The following PHACTR2 variants were observed in gnomAD, a reference collection of about 807,000 sequenced individuals.
The protein encoded by PHACTR2 is chromosome 6 open reading frame 56.
Under a neutral mutation model 76.0 loss-of-function variants are expected in PHACTR2, and 30 were observed. The ratio of observed to expected loss-of-function variants is 0.39; its 90% CI spans 0.30 to 0.54. The LOEUF is 0.54. Ranked by LOEUF, PHACTR2 falls within the 20% of genes least tolerant of loss-of-function variation. PHACTR2 has a pLI of 0.61. For missense variants in PHACTR2, 696 were observed against 781.1 expected, an observed-to-expected ratio of 0.89 and a Z score of 1.30; for synonymous variants, 292 against 292.5, an observed-to-expected ratio of 1.00 and a Z score of 0.02.
chr6:143,745,281 A>G (rs1779032397), intron 2 of PHACTR2, among the ~76,000 whole-genome samples: 1 of 152,186 alleles, frequency 6.6e-6, no homozygotes, highest in Non-Finnish European at 1.5e-5. Flanking sequence ...TCTGCTCACA[A>G]ACAACTGACT....
upstream of PHACTR2, among the ~76,000 whole-genome samples, chr6:143,606,818 A>G (rs982779696): frequency 6.6e-6 from 1 of 152,198 alleles, no homozygotes; most frequent in African/African-American, 2.4e-5. Context: ...TTAAATTCAT[A>G]GAGTGATATA....
chr6:143,555,523 AG>A (rs887723876), intron 1 of PHACTR2, among the ~76,000 whole-genome samples: 2 of 152,210 alleles, frequency 1.3e-5, no homozygotes, highest in African/African-American at 4.8e-5. Context: ...TGGGAAAAAA[AG>A]GGGTCTTTGT....
intron 2 of PHACTR2, among the ~76,000 whole-genome samples, chr6:143,714,138 A>C (rs1414487924): frequency 2.0e-5 from 3 of 152,216 alleles, no homozygotes; most frequent in South Asian, 2.1e-4. Context: ...TATCTCAAGC[A>C]GTGGAATCAA....
chr6:143,673,742 T>A (rs1402159101), upstream of PHACTR2, among the ~76,000 whole-genome samples: 2 of 152,046 alleles, frequency 1.3e-5, no homozygotes, highest in Non-Finnish European at 2.9e-5. Context: ...GAGGTCTTTA[T>A]TTTCCAGCAT....
chr6:143,628,798 C>G (rs1776303928), intron 1 of PHACTR2, among the ~76,000 whole-genome samples: 1 of 151,578 alleles, frequency 6.6e-6, no homozygotes. Context: ...TACCCATGGT[C>G]TTTCTCACTT....
intron 2 of PHACTR2, among the ~76,000 whole-genome samples, chr6:143,736,786 G>A (rs9386047): frequency 0.14 from 20,602 of 151,448 alleles, 1,722 homozygotes; most frequent in Non-Finnish European, 0.2. Flanking sequence ...GTGTTAGCCA[G>A]GATGGTCTCG....
Position 143,610,393 on chromosome 6 carries a change from A to T in PHACTR2, c.13+2071A>T, listed in dbSNP as rs1384305542. ...TATTTGCCTAAATTTTTCTAATCAG[A>T]AATGAATTGAGGCCCTGGATTTCAG... On this transcript the variant is annotated intron_variant, in intron 1 of 11. Coordinates refer to the PHACTR2 transcript ENST00000305766. The surrounding 1 kb of genome is among the most constrained non-coding windows in gnomAD (Gnocchi z 4.9). 6.6e-6 allele frequency among the ~76,000 whole-genome samples: 1 copy of T among 152,200 alleles called. No homozygotes were observed. Among genetic ancestry groups the T allele is most frequent in the Non-Finnish European group, 1.5e-5 (1 of 68,028 alleles).
Position 143,695,701 on chromosome 6 carries a change from T to TC in PHACTR2, c.47-16313dup, listed in dbSNP as rs1234449260. On this transcript the variant is annotated intron_variant, in intron 1 of 12. Transcript: ENST00000440869. This position sits in a 1 kb window ranked among gnomAD's most constrained non-coding sequence, Gnocchi z 4.4. ...ATAACATGAGTCTCATAATCAAGAA[T>TC]CCTCTGGGACTTTGTCATCTACATT... Among the ~76,000 whole-genome samples, 1 of 152,242 alleles carries TC rather than the reference T, an allele frequency of 6.6e-6. No homozygotes were observed. The highest frequency in any genetic ancestry group is 1.5e-5 in the Non-Finnish European group (1 of 68,032).
rs902237332 is a variant in PHACTR2, at chr6:143,561,872, C to T, written c.217+24665C>T. The T allele has an allele frequency of 1.3e-5, 2 of 152,220 alleles. No homozygotes were observed. The highest frequency in any genetic ancestry group is 2.9e-5 in the Non-Finnish European group (2 of 68,064). 9.4% of individuals were successfully genotyped at this position (152,220 alleles called of 1,614,324 possible). ...TGAAGTCTGAGGAAATTCAGGTTGC[C>T]TTTGATATTAACCTCCATGAAGACT... On this transcript the variant is annotated intron_variant, in intron 1 of 11. Coordinates refer to the PHACTR2 transcript ENST00000367584. The surrounding 1 kb of genome is among the most constrained non-coding windows in gnomAD (Gnocchi z 4.1).
Position 143,731,760 on chromosome 6 carries a change from C to T in PHACTR2, c.215-17225C>T, listed in dbSNP as rs1778705457. Among the ~76,000 whole-genome samples, 2 of 152,204 alleles carry T rather than the reference C, an allele frequency of 1.3e-5. No homozygotes were observed. The highest frequency in any genetic ancestry group is 1.3e-4 in the Admixed American group (2 of 15,274). ...AATCAGTTGGCAACTGTTCCCTCCTCTTCTGTTCCTGGAAGAGACTGTGTA... is the reference window on the plus strand; with the variant it reads ...AATCAGTTGGCAACTGTTCCCTCCTTTTCTGTTCCTGGAAGAGACTGTGTA... On this transcript the variant is annotated intron_variant, in intron 2 of 12. Transcript: ENST00000440869. This position sits in a 1 kb window ranked among gnomAD's most constrained non-coding sequence, Gnocchi z 4.9.
Position 143,681,009 on chromosome 6 carries a change from T to C in PHACTR2, c.46+2800T>C, listed in dbSNP as rs145189146. On this transcript the variant is annotated intron_variant, in intron 1 of 12. Transcript: ENST00000440869. ...ACATTTTATTTATCCATTTATCAGT[T>C]GATGGACATTTGGGTTATTTCTGCT... 2.3e-3 allele frequency among the ~76,000 whole-genome samples: 350 copies of C among 152,350 alleles called. 3 individuals are homozygous for C. Among genetic ancestry groups the C allele is most frequent in the African/African-American group, 8.1e-3 (335 of 41,584 alleles).
At chr6:143,609,238 T>C (rs958178877) in intron 1 of PHACTR2, among the ~76,000 whole-genome samples, 3 of 152,208 alleles carry the variant, frequency 2.0e-5, no homozygotes, top group Non-Finnish European at 4.4e-5. Context: ...CATATTTGTT[T>C]ATGAAATTGA....
At chr6:143,732,795 A>G (rs554629509) in intron 2 of PHACTR2, among the ~76,000 whole-genome samples, 1 of 152,318 alleles carries the variant, frequency 6.6e-6, no homozygotes, top group African/African-American at 2.4e-5. Flanking sequence ...TCCAGCCAAC[A>G]TTTATTACTA....
intron 2 of PHACTR2, among the ~76,000 whole-genome samples, chr6:143,735,886 A>G (rs1778806560): frequency 1.3e-5 from 2 of 152,228 alleles, no homozygotes; most frequent in African/African-American, 4.8e-5. Context: ...TAAAAAAATT[A>G]AAGTTTAAAA....
rs1777749018 is a variant in PHACTR2, at chr6:143,695,369, G to A, written c.47-16647G>A. Among the ~76,000 whole-genome samples, 1 of 152,208 alleles carries A rather than the reference G, an allele frequency of 6.6e-6. No individual in the cohort carries two copies. Among genetic ancestry groups the A allele is most frequent in the Non-Finnish European group, 1.5e-5 (1 of 68,028 alleles). On this transcript the variant is annotated intron_variant, in intron 1 of 12. Transcript: ENST00000440869. The surrounding 1 kb of genome is among the most constrained non-coding windows in gnomAD (Gnocchi z 4.4). ...GCACTCAATCTGAGGAAGGTTAAAA[G>A]TCATAGAATATTGGTGTTCTTCCAA...
Position 143,784,783 on chromosome 6 carries a change from G to A in PHACTR2, c.1707+1503G>A, listed in dbSNP as rs76743324. ...CAAAAGGCTCTTCTAACATGGTGGC[G>A]GCAAAAGAAAATGAGGAGGGGAAGC... On this transcript the variant is annotated intron_variant, in intron 10 of 12. Transcript: ENST00000440869. This position sits in a 1 kb window ranked among gnomAD's most constrained non-coding sequence, Gnocchi z 4.5. Among the ~76,000 whole-genome samples the A allele has an allele frequency of 7.6e-4, 116 of 152,190 alleles. No homozygotes were observed. The highest frequency in any genetic ancestry group is 2.0e-3 in the Admixed American group (30 of 15,280).
intron 1 of PHACTR2, among the ~76,000 whole-genome samples, chr6:143,582,077 T>C (rs1214792106): frequency 2.0e-5 from 3 of 152,198 alleles, no homozygotes; most frequent in Non-Finnish European, 4.4e-5. Context: ...ATAACCATAG[T>C]CCACACCCTC....
chr6:143,670,960 G>A (rs1419488557), intron 1 of PHACTR2, among the ~76,000 whole-genome samples: 17 of 150,602 alleles, frequency 1.1e-4, no homozygotes, highest in Admixed American at 1.1e-3. Context: ...GTCTCGCTCT[G>A]CAGCCCAGGC....
At chr6:143,601,893 A>C (rs945394036) in intron 1 of PHACTR2, among the ~76,000 whole-genome samples, 3 of 152,314 alleles carry the variant, frequency 2.0e-5, no homozygotes, top group African/African-American at 7.2e-5. Context: ...ATTTTTAAAA[A>C]ATTTTTAATT....
Sources: allele counts gnomAD v4.1 joint callset (sites outside exome capture counted in the v4.1 genomes callset), GRCh38; gene constraint gnomAD v4.1.1; non-coding constraint Gnocchi (gnomAD v3.1); transcripts MANE v1.5; gene names NCBI Gene and HGNC (gene_info 2026-07-23, HGNC 2026-07-21).